NLGN1: variants seen among roughly 807,000 people sequenced by gnomAD.
NLGN1 encodes the protein neuroligin 1.
NLGN1 carries 12 observed loss-of-function variants against 65.5 expected under a neutral mutation model. The observed-to-expected ratio is 0.18, with a 90% CI of 0.12 to 0.30. The LOEUF (loss-of-function observed/expected upper bound fraction) is 0.30, where lower values mean the gene tolerates loss of function less well. Ranked by LOEUF, NLGN1 falls within the 10% of genes least tolerant of loss-of-function variation. The probability of loss-of-function intolerance (pLI) is 1.00; values close to 1 mark genes in which losing one functional copy is unlikely to be tolerated. For missense variants in NLGN1, 750 were observed against 1,007.1 expected (o/e 0.74, Z 3.46); for synonymous variants, 350 against 359.5 (o/e 0.97, Z 0.30).
chr3:173,573,393 C>A (rs1744964545), intron 2 of NLGN1, among the ~76,000 whole-genome samples: 1 of 151,824 alleles, frequency 6.6e-6, no homozygotes, highest in Admixed American at 6.6e-5. Flanking sequence ...GTGTGCATGC[C>A]TTCAAGTCAG....
At chr3:173,715,735 T>A (rs1432545979) in intron 3 of NLGN1, among the ~76,000 whole-genome samples, 1 of 152,180 alleles carries the variant, frequency 6.6e-6, no homozygotes, top group Non-Finnish European at 1.5e-5. Context: ...CCAGATAGCA[T>A]CCTGTCTGGT....
chr3:173,517,275 T>C (rs16827431), intron 2 of NLGN1, among the ~76,000 whole-genome samples: 13,344 of 152,078 alleles, frequency 0.088, 1,125 homozygotes, highest in African/African-American at 0.23. Context: ...GAATAGAAGA[T>C]GCATGGAGGA....
Position 174,100,808 on chromosome 3 carries a change from C to T in NLGN1, c.647-174507C>T, listed in dbSNP as rs114115359. ...AAGGTGCCCCTTCTAAGTAAAGTGA[C>T]CATTTTTTTTCTAGTTCACCAGAGA... On this transcript the variant is annotated intron_variant, in intron 4 of 6. Coordinates refer to ENST00000457714, the Ensembl canonical transcript of NLGN1. Among the ~76,000 whole-genome samples, 1,124 of 151,982 alleles carry T rather than the reference C, an allele frequency of 7.4e-3. 15 individuals are homozygous for T. The highest frequency in any genetic ancestry group is 0.025 in the African/African-American group (1,055 of 41,426).
Position 174,014,914 on chromosome 3 carries a change from A to G in NLGN1, c.646+207082A>G, listed in dbSNP as rs115403078. Among the ~76,000 whole-genome samples the G allele has an allele frequency of 6.2e-3, 939 of 152,212 alleles. 12 individuals carry two copies. The highest frequency in any genetic ancestry group is 0.021 in the African/African-American group (881 of 41,528). On this transcript the variant is annotated intron_variant, in intron 4 of 6. Coordinates refer to ENST00000457714, the Ensembl canonical transcript of NLGN1. ...AATCAGGACTCTTGAAGGAAGGGGT[A>G]TGAGAAGAAAAGTCATTTATTTTCA...
At chr3:173,594,712 C>G (rs556401077) in intron 2 of NLGN1, among the ~76,000 whole-genome samples, 4 of 152,332 alleles carry the variant, frequency 2.6e-5, no homozygotes, top group African/African-American at 9.6e-5. Flanking sequence ...CCATGAGTGC[C>G]CCGCTGCTGC....
intron 4 of NLGN1, among the ~76,000 whole-genome samples, chr3:173,989,400 T>C (rs1226151311): frequency 6.6e-6 from 1 of 152,190 alleles, no homozygotes; most frequent in African/African-American, 2.4e-5. Context: ...TCCTCTCCCA[T>C]GGGCAACACT....
intron 4 of NLGN1, among the ~76,000 whole-genome samples, chr3:174,085,148 A>C (rs1742993293): frequency 6.6e-6 from 1 of 151,896 alleles, no homozygotes; most frequent in South Asian, 2.1e-4. Flanking sequence ...ATAATGTGAT[A>C]AAGCAAGTGT....
chr3:173,460,240 C>G (rs1457135356), intron 2 of NLGN1, among the ~76,000 whole-genome samples: 1 of 151,992 alleles, frequency 6.6e-6, no homozygotes. Context: ...TTATGAAATA[C>G]TCATAAGATA....
At chr3:173,414,309 G>A (rs1713225172) in intron 1 of NLGN1, among the ~76,000 whole-genome samples, 1 of 152,140 alleles carries the variant, frequency 6.6e-6, no homozygotes, top group Admixed American at 6.5e-5. Context: ...ACAAAAAGAT[G>A]GGAAAGGGCA....
intron 4 of NLGN1, among the ~76,000 whole-genome samples, chr3:174,017,642 C>T (rs1035508797): frequency 5.3e-5 from 8 of 151,980 alleles, no homozygotes; most frequent in Non-Finnish European, 1.0e-4. Flanking sequence ...GCTGGGTTTC[C>T]GGGGGAGACA....
At chr3:173,398,589 AT>A (rs1255924331) in intron 1 of NLGN1, 1 of 152,196 alleles carries the variant, frequency 6.6e-6, no homozygotes, top group Non-Finnish European at 1.5e-5. Flanking sequence ...TGTTATAGAG[AT>A]GAGGGATATT....
At chr3:173,828,677 T>A (rs889602912) in intron 4 of NLGN1, among the ~76,000 whole-genome samples, 4 of 152,154 alleles carry the variant, frequency 2.6e-5, no homozygotes, top group African/African-American at 9.6e-5. Flanking sequence ...AAAGTGGTGG[T>A]AAATTATAGT....
At chr3:173,732,165 T>A (rs1297915913) in intron 3 of NLGN1, among the ~76,000 whole-genome samples, 6 of 152,090 alleles carry the variant, frequency 3.9e-5, no homozygotes, top group Admixed American at 6.6e-5. Flanking sequence ...CTAGATGTTT[T>A]CCATCTTTTA....
rs1781155930 is a variant in NLGN1 at position 173,781,500 on chromosome 3, A to G, written c.494-26180A>G. Among the ~76,000 whole-genome samples the G allele has an allele frequency of 1.3e-5, 2 of 152,156 alleles. 1 individual carries two copies. Among genetic ancestry groups the G allele is most frequent in the African/African-American group, 4.8e-5 (2 of 41,426 alleles). ...ATCTTTGATGGGCATTGTAGTTAGC[A>G]TTTTGGCTTTTATCGTACCCATTTT... On this transcript the variant is annotated intron_variant, in intron 3 of 6. Transcript: ENST00000457714.
intron 2 of NLGN1, among the ~76,000 whole-genome samples, chr3:173,529,308 C>G (rs1044031807): frequency 6.6e-6 from 1 of 152,076 alleles, no homozygotes; most frequent in East Asian, 1.9e-4. Flanking sequence ...CAGGTGAGTA[C>G]GTACTTGACA....
chr3:173,601,413 C>T (rs1750525432), intron 2 of NLGN1, among the ~76,000 whole-genome samples: 1 of 151,984 alleles, frequency 6.6e-6, no homozygotes, highest in South Asian at 2.1e-4. Flanking sequence ...TTCCTTTCTA[C>T]TCAGAGATGA....
intron 3 of NLGN1, among the ~76,000 whole-genome samples, chr3:173,782,200 G>C (rs1415549581): frequency 6.6e-6 from 1 of 152,080 alleles, no homozygotes; most frequent in Non-Finnish European, 1.5e-5. Flanking sequence ...ATTTGGGAAA[G>C]ACAGGGTGTT....
At chr3:173,888,881 A>G (rs1734832186) in intron 4 of NLGN1, among the ~76,000 whole-genome samples, 2 of 152,234 alleles carry the variant, frequency 1.3e-5, no homozygotes, top group South Asian at 2.1e-4. Flanking sequence ...AATATGGACT[A>G]TTGACAGCTC....
chr3:174,168,695 GTC>G (rs1727982601), intron 4 of NLGN1, among the ~76,000 whole-genome samples: 1 of 152,142 alleles, frequency 6.6e-6, no homozygotes, highest in African/African-American at 2.4e-5. Context: ...CTGTACAATG[GTC>G]TGAGCTCCCT....
Sources: gnomAD v4.1 joint callset for allele counts (sites outside exome capture counted in the v4.1 genomes callset) on GRCh38, gnomAD v4.1.1 for gene constraint, MANE v1.5 for transcripts, NCBI Gene and HGNC (gene_info 2026-07-23, HGNC 2026-07-21) for gene names.